Variants in PPP2R5A observed in about 807,000 individuals in gnomAD.
The protein encoded by PPP2R5A is protein phosphatase 2 regulatory subunit B'alpha, also known as serine/threonine-protein phosphatase 2A 56 kDa regulatory subunit alpha isoform.
A neutral mutation model predicts 64.2 loss-of-function variants in PPP2R5A; 25 were observed. The observed-to-expected ratio is 0.39, with a 90% CI of 0.28 to 0.54. The LOEUF is 0.54. Among genes scored for constraint, PPP2R5A ranks in the 20% least tolerant of loss-of-function variants. PPP2R5A has a pLI of 0.67. For missense variants in PPP2R5A, 425 were observed against 576.3 expected (o/e 0.74, Z 2.69); for synonymous variants, 198 against 201.2 (o/e 0.98, Z 0.13).
chr1:212,309,059 C>T (rs1191029224), intron 1 of PPP2R5A: 3 of 779,610 alleles, frequency 3.8e-6, no homozygotes, highest in African/African-American at 1.7e-5. Flanking sequence ...TAGATGATCT[C>T]GATTTTGTTG....
chr1:212,314,998 C>T (rs566074252), intron 1 of PPP2R5A, among the ~76,000 whole-genome samples: 14 of 152,272 alleles, frequency 9.2e-5, no homozygotes, highest in African/African-American at 2.2e-4. Context: ...TAAGCCACCA[C>T]GCCCAGCCTA....
In PPP2R5A at chr1:212,286,131, G is replaced by A; in HGVS notation, c.21G>A (p.Pro7=). 2 of 1,582,680 alleles carry A rather than the reference G, an allele frequency of 1.3e-6. No homozygotes were observed. The highest frequency in any genetic ancestry group is 1.7e-6 in the Non-Finnish European group (2 of 1,167,376). The stretch of plus-strand genomic sequence containing the variant: ...CGGAGATGTCGTCGTCGTCGCCGCC[G>A]GCGGGGGCTGCCAGCGCCGCCATCT... MSSSSP[P]AGAASAAISA... is the part of the protein sequence containing the mutation. The change falls in exon 1 of 13, where the codon CCG becomes CCA. Residue 7 remains proline, a synonymous_variant. Transcript: ENST00000261461.
Position 212,345,940 on chromosome 1 carries a change from T to G in PPP2R5A, c.704+7T>G. The G allele has an allele frequency of 6.3e-7, 1 of 1,582,036 alleles. No individual in the cohort carries two copies. The highest frequency in any genetic ancestry group is 8.6e-7 in the Non-Finnish European group (1 of 1,162,818). On this transcript the variant is annotated splice_region_variant and intron_variant, in intron 5 of 12. Transcript: ENST00000261461. ...TTAACAACATTTTCCTCAGGTAAAT[T>G]AATCATTTATTGTATATTGCACCTT...
intron 8 of PPP2R5A, chr1:212,353,068 T>A: frequency 2.3e-6 from 1 of 436,548 alleles, no homozygotes; most frequent in Non-Finnish European, 4.5e-6. Context: ...GTTGGAGTGT[T>A]GGCCAGAAGT....
chr1:212,286,557 G>A (rs532361952), intron 1 of PPP2R5A, among the ~76,000 whole-genome samples: 11 of 152,208 alleles, frequency 7.2e-5, no homozygotes, highest in African/African-American at 2.7e-4. Context: ...CCACCTGCGC[G>A]CTTGCTTAAC....
chr1:212,293,146 A>G (rs900812915), intron 1 of PPP2R5A, among the ~76,000 whole-genome samples: 1 of 152,232 alleles, frequency 6.6e-6, no homozygotes, highest in Non-Finnish European at 1.5e-5. Context: ...TGGGTCCTTA[A>G]TATCTTGGTA....
rs1439970302 is a variant in PPP2R5A, at chr1:212,286,608, A to C, written c.181+317A>C. Among the ~76,000 whole-genome samples the C allele has an allele frequency of 3.3e-5, 5 of 151,694 alleles. No individual in the cohort carries two copies. The East Asian group carries it at 5.8e-4, about 18-fold the overall frequency. On this transcript the variant is annotated intron_variant, in intron 1 of 12. Coordinates refer to ENST00000261461, the MANE Select transcript of PPP2R5A (RefSeq NM_006243.4). The stretch of plus-strand genomic sequence containing the variant: ...TGCGTCCCGTGAAGTAGAGTCCTTC[A>C]CTCCTCTTCCAGGTTTGCCCTTTCC...
At position 212,333,577 on chromosome 1, in the gene PPP2R5A, G is replaced by A; in HGVS notation, c.459G>A (p.Glu153=). The change falls in exon 3 of 13, where the codon GAG becomes GAA. Residue 153 remains glutamate, a synonymous_variant. Coordinates refer to ENST00000261461, the MANE Select transcript of PPP2R5A (RefSeq NM_006243.4). ...FDPEEDEPTL[E]ASWPHIQLVY... is the part of the protein sequence containing the mutation. ...CAGAAGAGGATGAACCCACGCTTGA[G>A]GCCTCTTGGCCTCACATACAGGTAT... The A allele has an allele frequency of 6.4e-7, 1 of 1,557,840 alleles. No individual in the cohort carries two copies. The highest frequency in any genetic ancestry group is 8.8e-7 in the Non-Finnish European group (1 of 1,141,720).
At chr1:212,336,780 T>C (rs1005612177) in intron 3 of PPP2R5A, among the ~76,000 whole-genome samples, 5 of 152,246 alleles carry the variant, frequency 3.3e-5, no homozygotes, top group African/African-American at 1.2e-4. Context: ...TGAAAGTTTC[T>C]TCTGCTATTA....
intron 1 of PPP2R5A, among the ~76,000 whole-genome samples, chr1:212,319,964 T>C (rs1659237112): frequency 6.7e-6 from 1 of 149,834 alleles, no homozygotes; most frequent in Non-Finnish European, 1.5e-5. Flanking sequence ...TTTTTTTTTT[T>C]TTTTATTGAT....
chr1:212,325,492 G>A lies in PPP2R5A; in HGVS notation c.182-3643G>A, dbSNP rs189415368. On this transcript the variant is annotated intron_variant, in intron 1 of 12. Coordinates refer to ENST00000261461, the MANE Select transcript of PPP2R5A (RefSeq NM_006243.4). ...GGAGGAAGGAGAGAATAGGACTGGC[G>A]GTATAAGGTGATCACATAATTGAAG... Among the ~76,000 whole-genome samples the A allele has an allele frequency of 1.8e-4, 27 of 152,154 alleles. 1 individual carries two copies. Among genetic ancestry groups the A allele is most frequent in the Admixed American group, 1.6e-3 (24 of 15,274 alleles).
chr1:212,328,584 A>G (rs139594746), intron 1 of PPP2R5A, among the ~76,000 whole-genome samples: 2 of 152,200 alleles, frequency 1.3e-5, no homozygotes, highest in African/African-American at 4.8e-5. Context: ...GTATCATTGA[A>G]AAACATGGAA....
intron 1 of PPP2R5A, among the ~76,000 whole-genome samples, chr1:212,315,713 T>C (rs1287216707): frequency 2.0e-5 from 3 of 152,192 alleles, no homozygotes; most frequent in Admixed American, 1.3e-4. Flanking sequence ...TACATCTCAT[T>C]GTATTGTGCT....
At chr1:212,305,318 C>T (rs777620171) in intron 1 of PPP2R5A, among the ~76,000 whole-genome samples, 19 of 152,194 alleles carry the variant, frequency 1.2e-4, no homozygotes, top group East Asian at 1.9e-4. Context: ...CCACCGCGCC[C>T]GGCTCCAGCC....
At chr1:212,317,099 T>C (rs1268591460) in intron 1 of PPP2R5A, among the ~76,000 whole-genome samples, 1 of 152,222 alleles carries the variant, frequency 6.6e-6, no homozygotes, top group East Asian at 1.9e-4. Flanking sequence ...ATTCCCCCTT[T>C]TTATTCTAGG....
chr1:212,353,106 G>A (rs1187557931), intron 8 of PPP2R5A, among the ~76,000 whole-genome samples: 8 of 152,184 alleles, frequency 5.3e-5, no homozygotes, highest in Non-Finnish European at 1.2e-4. Context: ...GTCAGATGGG[G>A]AAGGATCTGC....
At chr1:212,303,468 A>G (rs1368582235) in intron 1 of PPP2R5A, among the ~76,000 whole-genome samples, 2 of 151,514 alleles carry the variant, frequency 1.3e-5, no homozygotes, top group East Asian at 1.9e-4. Flanking sequence ...AGAATTCTTT[A>G]TATGTCCTTG....
At position 212,286,250 on chromosome 1, in the gene PPP2R5A, A is replaced by T; in HGVS notation, c.140A>T (p.Gln47Leu). Reference sequence around the variant, plus strand: ...CAGGGCTCGTCGCAGTTTCGCAGCCAGGGCAGCCAGGCAGAGCTGCACCCG... The same window carrying T: ...CAGGGCTCGTCGCAGTTTCGCAGCCTGGGCAGCCAGGCAGAGCTGCACCCG... ...RSQGSSQFRS[Q>L]GSQAELHPLP... is the part of the protein sequence containing the mutation. The change falls in exon 1 of 13, where the codon CAG becomes CTG. Residue 47 changes from glutamine to leucine, a missense_variant. This residue lies in a region of PPP2R5A where 104 missense variants were observed against 95.7 expected (regional missense o/e 1.09). Transcript: ENST00000261461. 1.3e-6 allele frequency: 2 copies of T among 1,547,842 alleles called. No homozygotes were observed. Among genetic ancestry groups the T allele is most frequent in the Non-Finnish European group, 1.7e-6 (2 of 1,148,956 alleles).
At chr1:212,335,158 G>A (rs1571601039) in intron 3 of PPP2R5A, among the ~76,000 whole-genome samples, 1 of 151,726 alleles carries the variant, frequency 6.6e-6, no homozygotes, top group African/African-American at 2.4e-5. Context: ...ATATTCTGTA[G>A]TGACCTTTAC....
Sources: allele counts gnomAD v4.1 joint callset (sites outside exome capture counted in the v4.1 genomes callset), GRCh38; gene constraint gnomAD v4.1.1; regional missense constraint gnomAD v4.1.1; transcripts MANE v1.5; gene names NCBI Gene and HGNC (gene_info 2026-07-23, HGNC 2026-07-21).